Variants in TMEM120B observed in about 807,000 individuals in gnomAD.
TMEM120B encodes transmembrane protein 120B.
A neutral mutation model predicts 55.5 loss-of-function variants in TMEM120B; 31 were observed. The ratio of observed to expected loss-of-function variants is 0.56; its 90% CI spans 0.42 to 0.75. TMEM120B has a LOEUF of 0.75. Ranked by LOEUF, TMEM120B falls within the 30% of genes least tolerant of loss-of-function variation. The pLI is 0.00. For synonymous variants in TMEM120B, 203 were observed against 176.3 expected (o/e 1.15, Z -1.20); for missense variants, 399 against 425.5 (o/e 0.94, Z 0.55).
rs796745271 is a variant in TMEM120B at position 121,779,443 on chromosome 12, G to C, written c.*3721G>C. 6.3e-7 allele frequency: 1 copy of C among 1,581,820 alleles called. No homozygotes were observed. The highest frequency in any genetic ancestry group is 8.6e-7 in the Non-Finnish European group (1 of 1,164,114). ...ATGGGGCAGCCTCCCTGGTGCAATC[G>C]GCACCTGGGCCCCCGGGCCCTGTCA... On this transcript the variant is annotated 3_prime_UTR_variant, in exon 12 of 12. Coordinates refer to ENST00000449592, the MANE Select transcript of TMEM120B (RefSeq NM_001080825.2).
chr12:121,747,040 T>G (rs1423885006), intron 2 of TMEM120B, among the ~76,000 whole-genome samples: 1 of 152,184 alleles, frequency 6.6e-6, no homozygotes, highest in East Asian at 1.9e-4. Flanking sequence ...CTATCAAGTA[T>G]TATTCTAGAT....
intron 1 of TMEM120B, among the ~76,000 whole-genome samples, chr12:121,741,154 G>A (rs1400512428): frequency 2.6e-5 from 4 of 152,134 alleles, no homozygotes; most frequent in African/African-American, 9.6e-5. Flanking sequence ...GACTTGGCCT[G>A]CGGCGGTGGT....
chr12:121,713,066 G>C, intron 1 of TMEM120B, 102 bp downstream of exon 1: 1 of 1,005,010 alleles, frequency 1.0e-6, no homozygotes, highest in East Asian at 3.3e-5. Context: ...TCAGGGCCTA[G>C]GGAGTGCCCC....
intron 4 of TMEM120B, among the ~76,000 whole-genome samples, chr12:121,750,967 CACACCCCACACCCACACCCCA>C (rs1873291750): frequency 1.2e-5 from 1 of 86,508 alleles, no homozygotes; most frequent in Non-Finnish European, 2.3e-5. Flanking sequence ...ACCCACACCA[CACACCCCACACCCACACCCCA>C]CACCCCACAC....
chr12:121,716,871 G>C (rs2136956267), intron 1 of TMEM120B, among the ~76,000 whole-genome samples: 1 of 152,050 alleles, frequency 6.6e-6, no homozygotes, highest in East Asian at 1.9e-4. Flanking sequence ...TTCCTTTTTT[G>C]AATGAAGGAA....
At chr12:121,774,830 A>C (rs1303730072) in intron 10 of TMEM120B, 108 bp downstream of exon 10, 2 of 1,368,418 alleles carry the variant, frequency 1.5e-6, no homozygotes, top group Non-Finnish European at 2.0e-6. Flanking sequence ...GCTGGGGCCC[A>C]CAGCATCCTG....
chr12:121,716,273 A>ACT (rs1894700448), intron 1 of TMEM120B, among the ~76,000 whole-genome samples: 1 of 149,914 alleles, frequency 6.7e-6, no homozygotes, highest in Non-Finnish European at 1.5e-5. Flanking sequence ...GCACCACTGT[A>ACT]CTCTAGCCTG....
intron 1 of TMEM120B, among the ~76,000 whole-genome samples, chr12:121,713,668 A>G (rs1894642933): frequency 6.6e-6 from 1 of 152,050 alleles, no homozygotes; most frequent in African/African-American, 2.4e-5. Flanking sequence ...CCCTGAGAGA[A>G]TGGCATTGCT....
At chr12:121,735,142 C>CT (rs1895082311) in intron 1 of TMEM120B, among the ~76,000 whole-genome samples, 1 of 141,288 alleles carries the variant, frequency 7.1e-6, no homozygotes, top group East Asian at 2.1e-4. Flanking sequence ...TCCAAGATCG[C>CT]ACCAGTGCAC....
chr12:121,727,536 CAAAAAAAAAAA>C (rs758470408), intron 1 of TMEM120B, among the ~76,000 whole-genome samples: 75 of 35,866 alleles, frequency 2.1e-3, no homozygotes, highest in African/African-American at 8.3e-3. Context: ...GACCCTGTCT[CAAAAAAAAAAA>C]AAAAAAAAAA....
rs1315473850 is a variant in TMEM120B at position 121,712,843 on chromosome 12, C to T, written c.-53C>T. ...GGGCGTGGGGCGCTGGGGGGCCGGT[C>T]GGGCAGCGCTGCGGGAGCAGCCGCC... On this transcript the variant is annotated 5_prime_UTR_variant, in exon 1 of 12. Transcript: ENST00000449592. 3.0e-6 allele frequency: 4 copies of T among 1,324,468 alleles called. No individual in the cohort carries two copies. Among genetic ancestry groups the T allele is most frequent in the Non-Finnish European group, 3.9e-6 (4 of 1,024,192 alleles). The allele number at this position is 1,324,468 out of a possible 1,614,324, so 82.0% of individuals were successfully genotyped here.
chr12:121,751,832 C>T (rs770016860), intron 4 of TMEM120B, among the ~76,000 whole-genome samples: 30 of 152,198 alleles, frequency 2.0e-4, no homozygotes, highest in Non-Finnish European at 3.5e-4. Flanking sequence ...GGCCTTTCAG[C>T]AGCAGCAGTT....
chr12:121,770,652 G>T (rs1305662104), intron 6 of TMEM120B, among the ~76,000 whole-genome samples: 1 of 152,094 alleles, frequency 6.6e-6, no homozygotes, highest in Non-Finnish European at 1.5e-5. Context: ...GAGGCTAGGG[G>T]TGTGCTCTGA....
chr12:121,781,134 G>C lies in TMEM120B; in HGVS notation c.*5412G>C. 1 of 1,614,236 alleles carries C rather than the reference G, an allele frequency of 6.2e-7. No individual in the cohort carries two copies. ...TGGGATTCATGACGTCATAGCAGAT[G>C]AGCACGAGGTGGGTGTTCTGGTAGG... On this transcript the variant is annotated 3_prime_UTR_variant, in exon 12 of 12. Transcript: ENST00000449592.
rs1375456790 is a variant in TMEM120B at position 121,775,615 on chromosome 12, G to C, written c.913G>C (p.Val305Leu). The stretch of plus-strand genomic sequence containing the variant: ...CCTCTCTGGACTCCCCCAGGTGTTC[G>C]TACTGGCGTTCACCTTCCTCATCCT... ...HEECREWQVF[V>L]LAFTFLILFL... The change falls in exon 12 of 12, where the codon GTA (valine) becomes CTA (leucine). Residue 305 changes from valine (V) to leucine (L), a missense_variant. Val to Leu is a conservative substitution (Grantham distance 32). Coordinates refer to ENST00000449592, the MANE Select transcript of TMEM120B (RefSeq NM_001080825.2). The surrounding 1 kb of genome is among the most constrained non-coding windows in gnomAD (Gnocchi z 4.3). 1 of 1,613,628 alleles carries C rather than the reference G, an allele frequency of 6.2e-7. No individual in the cohort carries two copies. Among genetic ancestry groups the C allele is most frequent in the Admixed American group, 1.7e-5 (1 of 59,994 alleles).
At chr12:121,726,907 CAAAA>C (rs71305665) in intron 1 of TMEM120B, among the ~76,000 whole-genome samples, 1 of 73,714 alleles carries the variant, frequency 1.4e-5, no homozygotes, top group Non-Finnish European at 2.8e-5. Flanking sequence ...GACTCTGTCT[CAAAA>C]AAAAAAAAAA....
At position 121,776,135 on chromosome 12, in the gene TMEM120B, G is replaced by C; in HGVS notation, c.*413G>C. 2.3e-6 allele frequency: 1 copy of C among 441,074 alleles called. No homozygotes were observed. Among genetic ancestry groups the C allele is most frequent in the Non-Finnish European group, 4.0e-6 (1 of 249,982 alleles). 27.3% of individuals were successfully genotyped at this position (441,074 alleles called of 1,614,324 possible). A position where few individuals can be genotyped will look rare whatever the true frequency, so the allele number is the denominator to read the frequency against. ...CTACTTACCAGGCCCAGGCTGGGGT[G>C]GTGTGAACCCTCAGTGTCCTGTGGC... On this transcript the variant is annotated 3_prime_UTR_variant, in exon 12 of 12. Coordinates refer to ENST00000449592, the MANE Select transcript of TMEM120B (RefSeq NM_001080825.2).
intron 8 of TMEM120B, 96 bp downstream of exon 8, chr12:121,771,645 G>A: frequency 7.8e-7 from 1 of 1,274,160 alleles, no homozygotes; most frequent in Non-Finnish European, 1.1e-6. Flanking sequence ...GTGCTTGCCT[G>A]TGTGGCAGGG....
chr12:121,717,952 AG>A lies in TMEM120B; in HGVS notation c.69+4989del, dbSNP rs561226672. On this transcript the variant is annotated intron_variant, in intron 1 of 11. Transcript: ENST00000449592. ...ATTACAAGCGTGAGCTACCGCACCC[AG>A]CCGGGCATCTTTCTTTAGTAGCAGA... Among the ~76,000 whole-genome samples the A allele has an allele frequency of 3.3e-5, 5 of 152,250 alleles. No homozygotes were observed. The South Asian group carries it at 1.0e-3, about 32-fold the overall frequency.
Sources: allele counts gnomAD v4.1 joint callset (sites outside exome capture counted in the v4.1 genomes callset), GRCh38; gene constraint gnomAD v4.1.1; non-coding constraint Gnocchi (gnomAD v3.1); transcripts MANE v1.5; gene names NCBI Gene and HGNC (gene_info 2026-07-23, HGNC 2026-07-21).